Variants in BCKDHB observed in about 807,000 individuals in gnomAD.
BCKDHB encodes branched chain keto acid dehydrogenase E1 subunit beta.
Under a neutral mutation model 48.5 loss-of-function variants are expected in BCKDHB, and 41 were observed. That is an observed-to-expected ratio of 0.85 (90% CI 0.66 to 1.10). BCKDHB has a LOEUF of 1.10. BCKDHB is among the 50% of genes least tolerant of loss of function. The pLI, the probability that BCKDHB is intolerant of heterozygous loss-of-function variation, is 0.00. For synonymous variants in BCKDHB, 201 were observed against 174.8 expected (o/e 1.15, Z -1.18); for missense variants, 496 against 494.2 (o/e 1.00, Z -0.03).
intron 6 of BCKDHB, among the ~76,000 whole-genome samples, chr6:80,195,443 T>A (rs1355915388): frequency 6.6e-6 from 1 of 152,268 alleles, no homozygotes; most frequent in South Asian, 2.1e-4. Context: ...GACTGATTAA[T>A]AACCTCAAAG....
chr6:80,141,128 T>A (rs1452511454), intron 3 of BCKDHB, among the ~76,000 whole-genome samples: 2 of 152,176 alleles, frequency 1.3e-5, no homozygotes, highest in Non-Finnish European at 1.5e-5. Flanking sequence ...GTAGTTTGTA[T>A]TTCTGTGGGA....
chr6:80,322,282 AGGCT>A (rs1768779556), intron 9 of BCKDHB, among the ~76,000 whole-genome samples: 2 of 124,084 alleles, frequency 1.6e-5, no homozygotes, highest in South Asian at 2.6e-4. Flanking sequence ...TTTGTTGCCC[AGGCT>A]GGAGTGCAAT....
chr6:80,210,199 T>A (rs1774857534), intron 8 of BCKDHB, among the ~76,000 whole-genome samples: 1 of 149,084 alleles, frequency 6.7e-6, no homozygotes, highest in Admixed American at 6.7e-5. Context: ...CCCCACACTG[T>A]AAACTGCCGA....
At chr6:80,449,729 T>C in the BCKDHB span, among the ~76,000 whole-genome samples, 2 of 152,206 alleles carry the variant, frequency 1.3e-5, no homozygotes, top group African/African-American at 2.4e-5. Flanking sequence ...CAGCCTGATC[T>C]TCCAGTGTCA....
intron 3 of BCKDHB, 95 bp downstream of exon 3, chr6:80,129,324 C>T: frequency 1.0e-6 from 1 of 996,486 alleles, no homozygotes. Flanking sequence ...TTGTCATATC[C>T]CCATTGTATG....
chr6:80,191,809 A>G (rs1255813258), intron 6 of BCKDHB, among the ~76,000 whole-genome samples: 1 of 152,232 alleles, frequency 6.6e-6, no homozygotes, highest in Non-Finnish European at 1.5e-5. Context: ...AAATCACAGT[A>G]GTTTAACAAC....
Position 80,180,330 on chromosome 6 carries a change from G to GA in BCKDHB, c.742+8941dup, listed in dbSNP as rs375524525. ...AGTGCAATGAATCTTTTTAGAAATG[G>GA]AGAAGGATGTTTAGAAAAGGTAGAT... On this transcript the variant is annotated intron_variant, in intron 6 of 9. Transcript: ENST00000320393. 1.7e-3 allele frequency among the ~76,000 whole-genome samples: 265 copies of GA among 152,230 alleles called. 1 individual carries two copies. Among genetic ancestry groups the GA allele is most frequent in the African/African-American group, 6.0e-3 (251 of 41,540 alleles).
intron 3 of BCKDHB, among the ~76,000 whole-genome samples, chr6:80,137,097 T>G (rs1453780157): frequency 1.3e-5 from 2 of 152,194 alleles, no homozygotes; most frequent in African/African-American, 4.8e-5. Context: ...AATATGCCTT[T>G]CTTTTTATCT....
chr6:80,201,083 T>C, intron 7 of BCKDHB, 52 bp downstream of exon 7: 4 of 1,403,072 alleles, frequency 2.9e-6, no homozygotes, highest in Non-Finnish European at 4.0e-6. Context: ...TTGGAAGCTC[T>C]CATTTTAAAT....
rs191665988 is a variant in BCKDHB, at chr6:80,243,351, A to G, written c.952-29784A>G. On this transcript the variant is annotated intron_variant, in intron 8 of 9. Transcript: ENST00000320393. ...GAAGAGGGAAGGAGTGGGGAGCCCT[A>G]TGGTTCCTGACATGCTTTGCTCCCT... Among the ~76,000 whole-genome samples, 223 of 152,262 alleles carry G rather than the reference A, an allele frequency of 1.5e-3. 2 individuals are homozygous for G. The highest frequency in any genetic ancestry group is 1.7e-3 in the South Asian group (8 of 4,824).
chr6:80,115,926 G>T (rs1732228136), intron 1 of BCKDHB, among the ~76,000 whole-genome samples: 1 of 152,150 alleles, frequency 6.6e-6, no homozygotes, highest in African/African-American at 2.4e-5. Context: ...ATATGAGGAT[G>T]TGCTGTAACA....
At chr6:80,400,325 G>C in the BCKDHB span, among the ~76,000 whole-genome samples, 1 of 151,972 alleles carries the variant, frequency 6.6e-6, no homozygotes, top group Non-Finnish European at 1.5e-5. Context: ...CTATGCATCT[G>C]ACAAAGGTCT....
chr6:80,214,726 A>T (rs749520970), intron 8 of BCKDHB, among the ~76,000 whole-genome samples: 9 of 152,248 alleles, frequency 5.9e-5, no homozygotes, highest in Non-Finnish European at 1.0e-4. Context: ...AAATAGTATG[A>T]CAGTAGTTTT....
rs147977441 is a variant in BCKDHB at position 80,143,009 on chromosome 6, A to G, written c.343+13780A>G. Among the ~76,000 whole-genome samples the G allele has an allele frequency of 2.7e-4, 41 of 152,276 alleles. No individual in the cohort carries two copies. The East Asian group carries it at 7.9e-3, about 29-fold the overall frequency. Reference sequence around the variant, plus strand: ...CAGTGAAGAGTATCAATAAATACAGACAATTTAGATTCCTAAAATTATCAG... The same window carrying G: ...CAGTGAAGAGTATCAATAAATACAGGCAATTTAGATTCCTAAAATTATCAG... On this transcript the variant is annotated intron_variant, in intron 3 of 9. Coordinates refer to ENST00000320393, the MANE Select transcript of BCKDHB (RefSeq NM_183050.4).
intron 7 of BCKDHB, among the ~76,000 whole-genome samples, chr6:80,201,600 T>C (rs760551953): frequency 1.3e-5 from 2 of 152,200 alleles, no homozygotes; most frequent in Non-Finnish European, 2.9e-5. Flanking sequence ...TCACATTTCC[T>C]GCCATCTCTC....
chr6:80,428,119 G>A, the BCKDHB span, among the ~76,000 whole-genome samples: 16 of 151,912 alleles, frequency 1.1e-4, no homozygotes, highest in South Asian at 1.9e-3. Context: ...GAGAACATGC[G>A]GTGTTTGGTT....
rs138164862 is a variant in BCKDHB at position 80,163,127 on chromosome 6, T to C, written c.344-4551T>C. Among the ~76,000 whole-genome samples the C allele has an allele frequency of 1.7e-3, 262 of 151,972 alleles. 1 individual carries two copies. The highest frequency in any genetic ancestry group is 6.0e-3 in the African/African-American group (248 of 41,478). ...ATTTTTTGTAGAGATGGGGTTTTGC[T>C]GTAGGGTCTTGAACTCCTGGGCTCA... On this transcript the variant is annotated intron_variant, in intron 3 of 9. Transcript: ENST00000320393.
chr6:80,210,181 T>C (rs1026360445), intron 8 of BCKDHB, among the ~76,000 whole-genome samples: 1 of 150,172 alleles, frequency 6.7e-6, no homozygotes, highest in Admixed American at 6.7e-5. Context: ...GAACATTACT[T>C]CTAGTAGCCC....
intron 8 of BCKDHB, among the ~76,000 whole-genome samples, chr6:80,222,310 T>C (rs575326614): frequency 6.6e-6 from 1 of 152,308 alleles, no homozygotes; most frequent in Middle Eastern, 3.4e-3. Flanking sequence ...ACATGATTAA[T>C]GTTATTGCAA....
Sources: gnomAD v4.1 joint callset for allele counts (sites outside exome capture counted in the v4.1 genomes callset) on GRCh38, gnomAD v4.1.1 for gene constraint, MANE v1.5 for transcripts, NCBI Gene and HGNC (gene_info 2026-07-23, HGNC 2026-07-21) for gene names.